The following TSG101 variants were observed in gnomAD, a reference collection of about 807,000 sequenced individuals.
TSG101 encodes tumor susceptibility 101.
In TSG101, 19 loss-of-function variants were observed where a neutral mutation model predicts 48.5. That is an observed-to-expected ratio of 0.39 (90% CI 0.27 to 0.58). TSG101 has a LOEUF of 0.58. Among genes scored for constraint, TSG101 ranks in the 20% least tolerant of loss-of-function variants. TSG101 has a pLI of 0.55. For missense variants in TSG101, 365 were observed against 484.4 expected (o/e 0.75, Z 2.31); for synonymous variants, 174 against 169.4 (o/e 1.03, Z -0.21).
intron 6 of TSG101, among the ~76,000 whole-genome samples, chr11:18,503,834 T>C (rs993468355): frequency 2.0e-5 from 3 of 152,174 alleles, no homozygotes; most frequent in Admixed American, 6.6e-5. Context: ...TAAATCTCAA[T>C]TAATCCTATT....
Position 18,514,857 on chromosome 11 carries a change from A to G in TSG101, c.194-16T>C, listed in dbSNP as rs1192652198. 1 of 1,525,846 alleles carries G rather than the reference A, an allele frequency of 6.6e-7. No homozygotes were observed. The highest frequency in any genetic ancestry group is 2.5e-5 in the East Asian group (1 of 39,596). The allele number at this position is 1,525,846 out of a possible 1,614,324, so 94.5% of individuals were successfully genotyped here. On this transcript the variant is annotated splice_polypyrimidine_tract_variant and intron_variant, in intron 3 of 9. Transcript: ENST00000251968. ...TATGTATTACCTGAAAAAGAAATAG[A>G]AACTTCAGTTACTCTATTTTTATTA...
Position 18,516,236 on chromosome 11 carries a change from G to C in TSG101, c.128-72C>G, listed in dbSNP as rs80254500. On this transcript the variant is annotated intron_variant, in intron 2 of 9. Coordinates refer to ENST00000251968, the MANE Select transcript of TSG101 (RefSeq NM_006292.4). The stretch of plus-strand genomic sequence containing the variant: ...CTCCCATAAGTTATTCTTTCAGAAA[G>C]ACTGGTTAAAATTCATCATTATCCT... 4.4e-4 allele frequency: 610 copies of C among 1,386,844 alleles called. 1 individual carries two copies. The African/African-American group carries it at 7.6e-3, about 17-fold the overall frequency. The allele number at this position is 1,386,844 out of a possible 1,614,324, so 85.9% of individuals were successfully genotyped here. A position where few individuals can be genotyped will look rare whatever the true frequency, so the allele number is the denominator to read the frequency against.
intron 4 of TSG101, among the ~76,000 whole-genome samples, chr11:18,512,641 TCTTCTTCCAGCAAGGGTTCACC>T (rs1850105200): frequency 6.6e-6 from 1 of 152,188 alleles, no homozygotes; most frequent in South Asian, 2.1e-4. Flanking sequence ...CTATATATTA[TCTTCTTCCAGCAAGGGTTCACC>T]CTATCCTGTG....
chr11:18,499,400 ATATTTTTT>A (rs1347147543), intron 7 of TSG101, among the ~76,000 whole-genome samples: 1 of 6,788 alleles, frequency 1.5e-4, no homozygotes, highest in African/African-American at 4.1e-4. Context: ...ATATATATAT[ATATTTTTT>A]TTTTTTTTTT....
chr11:18,507,157 C>A (rs1849987457), intron 5 of TSG101, among the ~76,000 whole-genome samples: 1 of 152,154 alleles, frequency 6.6e-6, no homozygotes, highest in Non-Finnish European at 1.5e-5. Flanking sequence ...AACAGGTCAA[C>A]CTGGTCAGCT....
At chr11:18,480,944 C>A (rs1849526986) in intron 9 of TSG101, among the ~76,000 whole-genome samples, 1 of 152,122 alleles carries the variant, frequency 6.6e-6, no homozygotes, top group South Asian at 2.1e-4. Context: ...TTATATCCAG[C>A]CATTCATGTG....
intron 6 of TSG101, 122 bp from the exon 7 acceptor site, chr11:18,502,699 G>A: frequency 3.0e-6 from 2 of 660,304 alleles, no homozygotes; most frequent in Non-Finnish European, 5.1e-6. Context: ...TGAATTTATA[G>A]TCTTGGAGCT....
chr11:18,493,048 T>C (rs1183004633), intron 7 of TSG101, among the ~76,000 whole-genome samples: 1 of 152,210 alleles, frequency 6.6e-6, no homozygotes, highest in African/African-American at 2.4e-5. Flanking sequence ...GAAGAGTTTT[T>C]GGCAAACTGC....
rs563567439 is a variant in TSG101 at position 18,483,754 on chromosome 11, G to A, written c.843+116C>T. On this transcript the variant is annotated intron_variant, in intron 8 of 9. Coordinates refer to ENST00000251968, the MANE Select transcript of TSG101 (RefSeq NM_006292.4). Reference sequence around the variant, plus strand: ...AAAAAATTACATTCAAATGTTTAAAGATGCCTATAATTTTCTGAACTCCTA... The same window carrying A: ...AAAAAATTACATTCAAATGTTTAAAAATGCCTATAATTTTCTGAACTCCTA... The A allele has an allele frequency of 5.9e-5, 61 of 1,039,768 alleles. 1 individual carries two copies. In the South Asian group the frequency reaches 7.1e-4, roughly 12 times the overall value. The allele number at this position is 1,039,768 out of a possible 1,614,324, so 64.4% of individuals were successfully genotyped here.
intron 9 of TSG101, chr11:18,481,209 C>G (rs1431516387): frequency 4.6e-6 from 4 of 870,136 alleles, no homozygotes; most frequent in African/African-American, 3.6e-5. Context: ...GAAAGGGCAG[C>G]CTGATACTTT....
chr11:18,503,418 GC>G (rs1849919347), intron 6 of TSG101, among the ~76,000 whole-genome samples: 1 of 148,648 alleles, frequency 6.7e-6, no homozygotes, highest in Non-Finnish European at 1.5e-5. Context: ...TGTTGCTCAG[GC>G]TGGAGTGCAG....
rs566709402 is a variant in TSG101 at position 18,502,429 on chromosome 11, C to T, written c.640+57G>A. 1.2e-4 allele frequency: 167 copies of T among 1,424,748 alleles called. 2 individuals carry two copies. The South Asian group carries it at 2.0e-3, about 17-fold the overall frequency. 88.3% of individuals were successfully genotyped at this position (1,424,748 alleles called of 1,614,324 possible). A position where few individuals can be genotyped will look rare whatever the true frequency, so the allele number is the denominator to read the frequency against. Reference sequence around the variant, plus strand: ...ATTCACAAGTGAAATGTGCTTTTCACAACAGGGAGTTAGACTTTGCTTATA... The same window carrying T: ...ATTCACAAGTGAAATGTGCTTTTCATAACAGGGAGTTAGACTTTGCTTATA... On this transcript the variant is annotated intron_variant, in intron 7 of 9. Transcript: ENST00000251968.
intron 8 of TSG101, among the ~76,000 whole-genome samples, chr11:18,483,141 G>A (rs1849569075): frequency 1.3e-5 from 2 of 152,010 alleles, no homozygotes; most frequent in African/African-American, 2.4e-5. Context: ...AGATCTGATG[G>A]GTTTATCAGG....
intron 1 of TSG101, among the ~76,000 whole-genome samples, chr11:18,520,905 C>A (rs1314726931): frequency 6.6e-6 from 1 of 151,974 alleles, no homozygotes; most frequent in Non-Finnish European, 1.5e-5. Context: ...GTGGTCCGCA[C>A]CTATAATCCC....
intron 7 of TSG101, chr11:18,490,544 C>A: frequency 2.0e-6 from 1 of 491,034 alleles, no homozygotes; most frequent in Non-Finnish European, 3.9e-6. Context: ...GGGAATTCCA[C>A]ACAGTGGTTT....
At chr11:18,526,517 G>A (rs531692868) in intron 1 of TSG101, among the ~76,000 whole-genome samples, 1 of 152,346 alleles carries the variant, frequency 6.6e-6, no homozygotes, top group Admixed American at 6.5e-5. Flanking sequence ...AGGAGGGCGG[G>A]TGGGCGGCAG....
At chr11:18,499,368 ATGTT>A (rs1278964727) in intron 7 of TSG101, among the ~76,000 whole-genome samples, 15 of 76,594 alleles carry the variant, frequency 2.0e-4, no homozygotes, top group Non-Finnish European at 3.2e-4. Flanking sequence ...ATATATAAAT[ATGTT>A]TATATTTAAA....
intron 7 of TSG101, among the ~76,000 whole-genome samples, chr11:18,486,946 T>C (rs1293835013): frequency 2.0e-5 from 3 of 148,640 alleles, no homozygotes; most frequent in African/African-American, 7.5e-5. Context: ...CCATAAAAAA[T>C]GATGAGTTCA....
At chr11:18,511,179 A>G (rs1450534567) in intron 4 of TSG101, 2 of 152,290 alleles carry the variant, frequency 1.3e-5, no homozygotes, top group Non-Finnish European at 2.9e-5. Context: ...CTCCCCCCAG[A>G]CAAGGTCTTG....
Sources: allele counts gnomAD v4.1 joint callset (sites outside exome capture counted in the v4.1 genomes callset), GRCh38; gene constraint gnomAD v4.1.1; transcripts MANE v1.5; gene names NCBI Gene and HGNC (gene_info 2026-07-23, HGNC 2026-07-21).